KLHL4: variants seen among roughly 807,000 people sequenced by gnomAD.
KLHL4 encodes the protein kelch-like protein 4.
A neutral mutation model predicts 45.8 loss-of-function variants in KLHL4; 17 were observed. That is an observed-to-expected ratio of 0.37 (90% confidence interval 0.25 to 0.56). KLHL4 has a LOEUF of 0.56. KLHL4 is among the 20% of genes least tolerant of loss of function. KLHL4 has a pLI of 0.79. For synonymous variants in KLHL4, 224 were observed against 189.9 expected, an observed-to-expected ratio of 1.18 and a Z score of -1.47; for missense variants, 544 against 544.9, an observed-to-expected ratio of 1.00 and a Z score of 0.02.
intron 1 of KLHL4, among the ~76,000 whole-genome samples, chrX:87,568,797 G>T (rs1932275937): frequency 9.0e-6 from 1 of 111,409 alleles, no homozygotes; most frequent in Non-Finnish European, 1.9e-5. Context: ...ATTTCCACAT[G>T]CACAAGAATG....
chrX:87,530,818 C>T (rs1247580158), intron 1 of KLHL4, among the ~76,000 whole-genome samples: 8 of 105,572 alleles, frequency 7.6e-5, no homozygotes, highest in East Asian at 3.1e-4. Context: ...ATGGTATTTC[C>T]AGTTCTAGAT....
chrX:87,576,254 T>C (rs1490137196), intron 1 of KLHL4, among the ~76,000 whole-genome samples: 2 of 111,570 alleles, frequency 1.8e-5, no homozygotes, highest in African/African-American at 3.3e-5. Flanking sequence ...TTTCATGTAG[T>C]TTTGGATATT....
intron 9 of KLHL4, among the ~76,000 whole-genome samples, chrX:87,658,378 G>A (rs1361159847): frequency 9.0e-6 from 1 of 111,516 alleles, no homozygotes; most frequent in Non-Finnish European, 1.9e-5. Context: ...TTTCAGTAGA[G>A]ACTCCTATAG....
rs1922616565 is a variant in KLHL4, at chrX:87,617,959, T to C, written c.755T>C (p.Ile252Thr). 3 of 1,208,828 alleles carry C rather than the reference T, an allele frequency of 2.5e-6. No homozygotes were observed. Among genetic ancestry groups the C allele is most frequent in the Non-Finnish European group, 3.4e-6 (3 of 894,400 alleles). Reference sequence around the variant, plus strand: ...GTCCTGCAATTGAAAGAAGATACCATTGAAAGTTTGCTGGCTGCAGCTTGT... The same window carrying C: ...GTCCTGCAATTGAAAGAAGATACCACTGAAAGTTTGCTGGCTGCAGCTTGT... ...TGVLQLKEDT[I>T]ESLLAAACLL... Residue 252 changes from isoleucine (I) to threonine (T), a missense_variant, in exon 4 of 11, where the codon ATT becomes ACT. Physicochemically the swap from Ile to Thr is moderately conservative, Grantham distance 89. Coordinates refer to ENST00000373119, the MANE Select transcript of KLHL4 (RefSeq NM_019117.5).
chrX:87,546,764 G>A (rs1931692512), intron 1 of KLHL4, among the ~76,000 whole-genome samples: 1 of 112,735 alleles, frequency 8.9e-6, no homozygotes, highest in Admixed American at 9.3e-5. Flanking sequence ...AAGGATGTGG[G>A]AGCCCACCCT....
At chrX:87,645,418 G>A (rs941560710) in intron 9 of KLHL4, among the ~76,000 whole-genome samples, 17 of 111,019 alleles carry the variant, frequency 1.5e-4, no homozygotes, top group African/African-American at 4.3e-4. Flanking sequence ...CAGTGTGATC[G>A]CGGTGAACAG....
At chrX:87,591,889 A>G (rs774769314) in intron 1 of KLHL4, among the ~76,000 whole-genome samples, 107 of 111,549 alleles carry the variant, frequency 9.6e-4, no homozygotes, top group Non-Finnish European at 1.1e-3. Context: ...AGTTATTTTA[A>G]AATGTACAAT....
intron 1 of KLHL4, among the ~76,000 whole-genome samples, chrX:87,557,611 TTTA>T (rs1932005306): frequency 1.1e-5 from 1 of 94,300 alleles, no homozygotes. Context: ...ACCTAAAATG[TTTA>T]TTATTTTTTT....
intron 1 of KLHL4, among the ~76,000 whole-genome samples, chrX:87,612,923 C>G (rs909490713): frequency 9.0e-6 from 1 of 111,455 alleles, no homozygotes; most frequent in Non-Finnish European, 1.9e-5. Context: ...AACAAGTCAA[C>G]AAGAGTGCAT....
intron 1 of KLHL4, among the ~76,000 whole-genome samples, chrX:87,613,417 G>C (rs1360582102): frequency 8.9e-6 from 1 of 111,916 alleles, no homozygotes. Context: ...AAACCCTTAG[G>C]CTTGAAATTC....
chrX:87,617,896 A>G, intron 3 of KLHL4, 36 bp from the exon 4 acceptor site: 1 of 1,119,874 alleles, frequency 8.9e-7, no homozygotes, highest in Non-Finnish European at 1.2e-6. Context: ...ACTTTATGGA[A>G]CTTATAATCA....
At chrX:87,569,120 AAAC>A (rs1325843499) in intron 1 of KLHL4, among the ~76,000 whole-genome samples, 2 of 111,452 alleles carry the variant, frequency 1.8e-5, no homozygotes, top group Non-Finnish European at 3.8e-5. Flanking sequence ...ATATACAACT[AAAC>A]AACTAAGAGA....
chrX:87,614,397 A>C (rs1368137691), intron 2 of KLHL4, 37 bp from the exon 3 acceptor site: 1 of 1,169,364 alleles, frequency 8.6e-7, no homozygotes, highest in African/African-American at 1.8e-5. Flanking sequence ...GAAATTATTG[A>C]CTCATTTAAA....
At chrX:87,581,757 T>A (rs2097487) in intron 1 of KLHL4, among the ~76,000 whole-genome samples, 27,984 of 110,988 alleles carry the variant, frequency 0.25, 2,959 homozygotes, top group East Asian at 0.51. Flanking sequence ...TGAGAAAGAA[T>A]CAGCACAAAA....
intron 9 of KLHL4, among the ~76,000 whole-genome samples, chrX:87,636,812 C>T (rs1181916254): frequency 1.8e-5 from 2 of 109,359 alleles, no homozygotes; most frequent in Non-Finnish European, 3.8e-5. Flanking sequence ...CCCACAGCAG[C>T]TGCAGCAAGC....
intron 1 of KLHL4, among the ~76,000 whole-genome samples, chrX:87,547,513 T>TCAAA (rs754412915): frequency 6.3e-5 from 7 of 111,304 alleles, no homozygotes; most frequent in East Asian, 2.8e-4. Flanking sequence ...GAGACAAAAT[T>TCAAA]CAAACAAACA....
In KLHL4 at chrX:87,614,446, C is replaced by T. The variant is rs758611061; in HGVS notation, c.603C>T (p.Ser201=). The T allele has an allele frequency of 2.8e-5, 34 of 1,205,152 alleles. No homozygotes were observed. Among genetic ancestry groups the T allele is most frequent in the East Asian group, 5.9e-5 (2 of 33,669 alleles). Residue 201 remains serine (S), a synonymous_variant, in exon 3 of 11, where the codon AGC becomes AGT. Coordinates refer to ENST00000373119, the MANE Select transcript of KLHL4 (RefSeq NM_019117.5). The part of the protein sequence containing the change: ...LRIPAHRLVL[S]AVSDYFAAMF... The stretch of plus-strand genomic sequence containing the variant: ...TTCCTATTTCCAGGTTGGTTCTCAG[C>T]GCAGTGTCTGATTATTTTGCTGCAA...
At chrX:87,621,258 T>C (rs1922739883) in intron 4 of KLHL4, among the ~76,000 whole-genome samples, 2 of 111,576 alleles carry the variant, frequency 1.8e-5, no homozygotes, top group Non-Finnish European at 3.8e-5. Context: ...TAGGTATGTT[T>C]ATCTTCATTT....
In KLHL4 at chrX:87,570,682, G is replaced by A. The variant is rs1459759165; in HGVS notation, c.423-43195G>A. On this transcript the variant is annotated intron_variant, in intron 1 of 10. Coordinates refer to ENST00000373119, the MANE Select transcript of KLHL4 (RefSeq NM_019117.5). ...ATTAATCAGGGGTTTGTAGAAGATA[G>A]TATTTATTTTCAATATTTTCCCAAA... Among the ~76,000 whole-genome samples, 5 of 110,801 alleles carry A rather than the reference G, an allele frequency of 4.5e-5. No homozygotes were observed. The East Asian group carries it at 1.4e-3, about 32-fold the overall frequency.
Sources: gnomAD v4.1 joint callset for allele counts (sites outside exome capture counted in the v4.1 genomes callset) on GRCh38, gnomAD v4.1.1 for gene constraint, MANE v1.5 for transcripts, NCBI Gene and HGNC (gene_info 2026-07-23, HGNC 2026-07-21) for gene names.